RAD51B: variants seen among roughly 807,000 people sequenced by gnomAD.
The protein encoded by RAD51B is DNA repair protein RAD51 homolog 2.
A neutral mutation model predicts 42.2 loss-of-function variants in RAD51B; 38 were observed. That is an observed-to-expected ratio of 0.90 (90% confidence interval 0.70 to 1.18). RAD51B has a LOEUF of 1.18. Ranked by LOEUF, RAD51B falls within the 50% of genes most tolerant of loss-of-function variation. The pLI is 0.00. For missense variants in RAD51B, 373 were observed against 400.7 expected (o/e 0.93, Z 0.59); for synonymous variants, 154 against 145.2 (o/e 1.06, Z -0.43).
chr14:68,293,779 A>G lies in RAD51B; in HGVS notation c.853+1799A>G, dbSNP rs116553154. 9.8e-3 allele frequency among the ~76,000 whole-genome samples: 1,495 copies of G among 152,312 alleles called. 22 individuals carry two copies. The highest frequency in any genetic ancestry group is 0.033 in the African/African-American group (1,362 of 41,570). On this transcript the variant is annotated intron_variant, in intron 8 of 10. Coordinates refer to ENST00000471583, the MANE Select transcript of RAD51B (RefSeq NM_133510.4). Reference sequence around the variant, plus strand: ...AACTGTATAAAGAAAAAGTCTAGAAAATTAATTTAACTTTTCATGTTTTTC... The same window carrying G: ...AACTGTATAAAGAAAAAGTCTAGAAGATTAATTTAACTTTTCATGTTTTTC...
At chr14:68,129,422 T>C (rs1191601928) in intron 7 of RAD51B, among the ~76,000 whole-genome samples, 1 of 152,136 alleles carries the variant, frequency 6.6e-6, no homozygotes, top group Non-Finnish European at 1.5e-5. Flanking sequence ...ATTTGGTAGT[T>C]TAACTACAAC....
At chr14:68,120,178 C>T (rs1440941838) in intron 7 of RAD51B, among the ~76,000 whole-genome samples, 1 of 151,474 alleles carries the variant, frequency 6.6e-6, no homozygotes, top group African/African-American at 2.4e-5. Context: ...TTGTTTTTTT[C>T]TTGTAAATTT....
intron 7 of RAD51B, among the ~76,000 whole-genome samples, chr14:68,093,253 A>T (rs1176497790): frequency 7.2e-5 from 11 of 152,212 alleles, no homozygotes; most frequent in South Asian, 4.2e-4. Flanking sequence ...TTCTATTGAT[A>T]GGAATAGTTT....
At chr14:68,339,534 G>A in intron 8 of RAD51B, 1 of 399,054 alleles carries the variant, frequency 2.5e-6, no homozygotes, top group Non-Finnish European at 4.4e-6. Context: ...AGCATCTTGG[G>A]TGGCGGGAGG....
At chr14:68,445,840 G>A (rs1161935476) in intron 9 of RAD51B, among the ~76,000 whole-genome samples, 1 of 152,196 alleles carries the variant, frequency 6.6e-6, no homozygotes, top group Non-Finnish European at 1.5e-5. Context: ...GAATGAGAGG[G>A]ATCAACTATC....
At chr14:68,395,471 C>T (rs994784659) in intron 8 of RAD51B, among the ~76,000 whole-genome samples, 1 of 152,154 alleles carries the variant, frequency 6.6e-6, no homozygotes, top group Non-Finnish European at 1.5e-5. Context: ...TTTTAGGTTC[C>T]TGCTGGCAGG....
Position 67,868,134 on chromosome 14 carries a change from C to T in RAD51B, c.452+2995C>T, listed in dbSNP as rs375614588. Among the ~76,000 whole-genome samples, 10 of 152,154 alleles carry T rather than the reference C, an allele frequency of 6.6e-5. No homozygotes were observed. The East Asian group carries it at 7.7e-4, about 12-fold the overall frequency. ...GGTCTACAGCTCCCAGCATGAGCGA[C>T]GCAGAAGATGGGTGATTTCTGCATT... On this transcript the variant is annotated intron_variant, in intron 5 of 10. Transcript: ENST00000471583.
chr14:68,396,416 A>G (rs1180148453), intron 8 of RAD51B, among the ~76,000 whole-genome samples: 1 of 152,188 alleles, frequency 6.6e-6, no homozygotes, highest in Non-Finnish European at 1.5e-5. Flanking sequence ...CAGAGTGAAC[A>G]CTGATAAAAT....
At chr14:67,824,538 A>G (rs530527062) in intron 2 of RAD51B, among the ~76,000 whole-genome samples, 2 of 152,122 alleles carry the variant, frequency 1.3e-5, no homozygotes, top group African/African-American at 4.8e-5. Flanking sequence ...CATTACAGAC[A>G]TGAGCCACCG....
intron 7 of RAD51B, among the ~76,000 whole-genome samples, chr14:68,185,748 AC>A (rs2079145186): frequency 6.6e-6 from 1 of 152,032 alleles, no homozygotes; most frequent in Admixed American, 6.6e-5. Context: ...AGAGCACACA[AC>A]CTAGATCCCT....
chr14:68,550,993 G>A (rs1318889737), intron 10 of RAD51B, among the ~76,000 whole-genome samples: 2 of 152,190 alleles, frequency 1.3e-5, no homozygotes, highest in Admixed American at 1.3e-4. Flanking sequence ...CCAGAATAGT[G>A]TGGAGGGGGT....
chr14:68,491,693 C>G (rs556749135), intron 10 of RAD51B, among the ~76,000 whole-genome samples: 1 of 152,298 alleles, frequency 6.6e-6, no homozygotes, highest in African/African-American at 2.4e-5. Flanking sequence ...CATAGCCTTC[C>G]CGAGTCCCAA....
At chr14:68,075,907 A>G (rs764637559) in intron 7 of RAD51B, among the ~76,000 whole-genome samples, 2 of 152,204 alleles carry the variant, frequency 1.3e-5, no homozygotes, top group African/African-American at 4.8e-5. Context: ...TGCAGCTGCA[A>G]TGGCAGGGGG....
chr14:68,145,175 A>G (rs1200350496), intron 7 of RAD51B, among the ~76,000 whole-genome samples: 1 of 152,248 alleles, frequency 6.6e-6, no homozygotes, highest in Non-Finnish European at 1.5e-5. Context: ...AAGGTCACAC[A>G]CATGCCACAG....
chr14:68,631,652 C>A (rs1194341742), intron 10 of RAD51B, among the ~76,000 whole-genome samples: 2 of 152,180 alleles, frequency 1.3e-5, no homozygotes, highest in African/African-American at 4.8e-5. Flanking sequence ...TTTGGGCACT[C>A]GTCCCTTTAC....
intron 11 of RAD51B, among the ~76,000 whole-genome samples, chr14:68,677,974 A>G (rs901716363): frequency 2.6e-5 from 4 of 152,150 alleles, no homozygotes; most frequent in Admixed American, 2.6e-4. Context: ...AGTGCCATGA[A>G]TACTGGCTCC....
chr14:68,388,014 GT>G lies in RAD51B; in HGVS notation c.854-23409del, dbSNP rs565245112. Among the ~76,000 whole-genome samples, 459 of 149,192 alleles carry G rather than the reference GT, an allele frequency of 3.1e-3. 1 individual carries two copies. Among genetic ancestry groups the G allele is most frequent in the Admixed American group, 5.2e-3 (78 of 14,984 alleles). On this transcript the variant is annotated intron_variant, in intron 8 of 10. Coordinates refer to ENST00000471583, the MANE Select transcript of RAD51B (RefSeq NM_133510.4). ...TTTTACCAATTTCTATTTTTTTCAT[GT>G]GCCTACTGGAAAATTTTAACTTACA...
intron 8 of RAD51B, among the ~76,000 whole-genome samples, chr14:68,328,569 C>T (rs1053052385): frequency 1.3e-5 from 2 of 152,208 alleles, no homozygotes; most frequent in Non-Finnish European, 2.9e-5. Flanking sequence ...TCCAGCTCCC[C>T]TGGCTTTTGG....
intron 10 of RAD51B, among the ~76,000 whole-genome samples, chr14:68,631,656 C>T (rs763909013): frequency 6.6e-6 from 1 of 152,160 alleles, no homozygotes; most frequent in Non-Finnish European, 1.5e-5. Flanking sequence ...GGCACTCGTC[C>T]CTTTACCACT....
Sources: allele counts gnomAD v4.1 joint callset (sites outside exome capture counted in the v4.1 genomes callset), GRCh38; gene constraint gnomAD v4.1.1; transcripts MANE v1.5; gene names NCBI Gene and HGNC (gene_info 2026-07-23, HGNC 2026-07-21).